The following SESTD1 variants were observed in gnomAD, a reference collection of about 807,000 sequenced individuals.
The protein encoded by SESTD1 is SEC14 and spectrin domain containing 1, also known as SEC14 domain and spectrin repeat-containing protein 1.
A neutral mutation model predicts 101.7 loss-of-function variants in SESTD1; 43 were observed. The ratio of observed to expected loss-of-function variants is 0.42; its 90% CI spans 0.33 to 0.55. The LOEUF is 0.55. SESTD1 is among the 20% of genes least tolerant of loss of function. The pLI is 0.07. For synonymous variants in SESTD1, 283 were observed against 286.8 expected (o/e 0.99, Z 0.13); for missense variants, 647 against 815.1 (o/e 0.79, Z 2.51).
intron 5 of SESTD1, 135 bp from the exon 6 acceptor site, chr2:179,151,526 C>T: frequency 2.0e-6 from 1 of 501,134 alleles, no homozygotes; most frequent in Admixed American, 4.1e-5. Context: ...TTACTTAATA[C>T]AATATTTAAA....
rs1401115189 is a variant in SESTD1 at position 179,121,892 on chromosome 2, A to G, written c.1320T>C (p.Gly440=). 5 of 1,605,542 alleles carry G rather than the reference A, an allele frequency of 3.1e-6. No individual in the cohort carries two copies. The African/African-American group carries it at 5.4e-5, about 17-fold the overall frequency. The change falls in exon 13 of 18, where the codon GGT becomes GGC. Residue 440 remains glycine (G), a synonymous_variant. Coordinates refer to ENST00000428443, the MANE Select transcript of SESTD1 (RefSeq NM_178123.5). ...CCTGATTGGAGATCTGATCCAGGAGACCTTGACCTTTTTCACGCAAACCTT... is the reference window on the plus strand; with the variant it reads ...CCTGATTGGAGATCTGATCCAGGAGGCCTTGACCTTTTTCACGCAAACCTT... The part of the protein sequence containing the change: ...GLQGLREKGQ[G]LLDQISNQAS...
At chr2:179,225,747 G>A (rs898898900) in intron 1 of SESTD1, among the ~76,000 whole-genome samples, 5 of 152,142 alleles carry the variant, frequency 3.3e-5, no homozygotes, top group Non-Finnish European at 7.4e-5. Context: ...AGAAAAGTGG[G>A]AGAGCAAGAG....
chr2:179,103,662 G>A lies in SESTD1; in HGVS notation c.*6237C>T, dbSNP rs2154393353. 1 of 152,220 alleles carries A rather than the reference G, an allele frequency of 6.6e-6. No homozygotes were observed. The highest frequency in any genetic ancestry group is 1.9e-4 in the East Asian group (1 of 5,186). The allele number at this position is 152,220 out of a possible 1,614,324, so 9.4% of individuals were successfully genotyped here. ...TTGTAGAAAAGCGTACATGTTGCGT[G>A]ACTCTATTTATATAAAGTTTTAGAA... On this transcript the variant is annotated 3_prime_UTR_variant, in exon 18 of 18. Transcript: ENST00000428443.
chr2:179,199,216 A>G (rs570346552), intron 1 of SESTD1, among the ~76,000 whole-genome samples: 192 of 152,200 alleles, frequency 1.3e-3, no homozygotes, highest in African/African-American at 4.4e-3. Flanking sequence ...AGAAATGGAT[A>G]AATTCCTCGA....
chr2:179,168,200 T>C (rs2045869320), intron 5 of SESTD1, among the ~76,000 whole-genome samples: 1 of 152,170 alleles, frequency 6.6e-6, no homozygotes, highest in Non-Finnish European at 1.5e-5. Flanking sequence ...CTCCTCAGCC[T>C]CAAGACAATG....
Position 179,233,312 on chromosome 2 carries a change from A to G in SESTD1, c.-26+31187T>C, listed in dbSNP as rs538678652. On this transcript the variant is annotated intron_variant, in intron 1 of 17. Coordinates refer to ENST00000428443, the MANE Select transcript of SESTD1 (RefSeq NM_178123.5). ...TTTTGTATATTCTAAGATTGAGCAA[A>G]TAAGTAAATATACTGTGAACAACAG... Among the ~76,000 whole-genome samples, 7 of 152,348 alleles carry G rather than the reference A, an allele frequency of 4.6e-5. No homozygotes were observed. The South Asian group carries it at 1.4e-3, about 32-fold the overall frequency.
intron 5 of SESTD1, among the ~76,000 whole-genome samples, chr2:179,170,860 C>T (rs2045918945): frequency 2.0e-5 from 3 of 152,166 alleles, no homozygotes; most frequent in Admixed American, 1.3e-4. Context: ...CACCCCAACT[C>T]CCTAGGGTTC....
chr2:179,158,598 T>C (rs1333047477), intron 5 of SESTD1, among the ~76,000 whole-genome samples: 1 of 152,176 alleles, frequency 6.6e-6, no homozygotes, highest in African/African-American at 2.4e-5. Flanking sequence ...TATCCTTTAA[T>C]CAAAATAATT....
At chr2:179,192,001 AG>A (rs946132682) in intron 1 of SESTD1, 135 bp from the exon 2 acceptor site, 28 of 653,274 alleles carry the variant, frequency 4.3e-5, no homozygotes, top group African/African-American at 3.7e-4. Flanking sequence ...CTTTTTTTGT[AG>A]GGAGTTATCC....
intron 9 of SESTD1, among the ~76,000 whole-genome samples, chr2:179,133,761 A>T (rs933848740): frequency 6.6e-6 from 1 of 152,158 alleles, no homozygotes; most frequent in Non-Finnish European, 1.5e-5. Context: ...TATATTTCTA[A>T]ATCTAACAGT....
At chr2:179,120,521 C>T (rs1274026207) in intron 13 of SESTD1, among the ~76,000 whole-genome samples, 1 of 152,152 alleles carries the variant, frequency 6.6e-6, no homozygotes, top group African/African-American at 2.4e-5. Flanking sequence ...GCCAAGAAAT[C>T]AGTGACAAAA....
At chr2:179,175,803 T>C (rs1415907156) in intron 4 of SESTD1, among the ~76,000 whole-genome samples, 1 of 152,184 alleles carries the variant, frequency 6.6e-6, no homozygotes, top group African/African-American at 2.4e-5. Flanking sequence ...GGGGATCACA[T>C]AAACATTCTG....
chr2:179,199,866 A>G (rs2046477237), intron 1 of SESTD1, among the ~76,000 whole-genome samples: 2 of 152,364 alleles, frequency 1.3e-5, no homozygotes, highest in South Asian at 4.1e-4. Flanking sequence ...AACTGGCACA[A>G]GACAGAGATG....
chr2:179,242,008 G>A (rs1440681531), intron 1 of SESTD1, among the ~76,000 whole-genome samples: 3 of 151,660 alleles, frequency 2.0e-5, no homozygotes, highest in Non-Finnish European at 2.9e-5. Flanking sequence ...AGGCATATAT[G>A]TAAGAAAAGA....
chr2:179,196,929 TCAA>T (rs750726487), intron 1 of SESTD1, among the ~76,000 whole-genome samples: 17 of 152,150 alleles, frequency 1.1e-4, no homozygotes, highest in Non-Finnish European at 1.9e-4. Context: ...ACGCAGTTCC[TCAA>T]CAACAACGGA....
At chr2:179,116,134 C>T (rs934684160) in intron 15 of SESTD1, among the ~76,000 whole-genome samples, 10 of 151,774 alleles carry the variant, frequency 6.6e-5, no homozygotes, top group Admixed American at 3.9e-4. Context: ...ACTAGCCAGG[C>T]GTGGTGGCCG....
At position 179,207,375 on chromosome 2, in the gene SESTD1, G is replaced by A. The variant is rs1008419849; in HGVS notation, c.-25-15509C>T. Among the ~76,000 whole-genome samples the A allele has an allele frequency of 3.0e-5, 4 of 135,220 alleles. 1 individual carries two copies. The highest frequency in any genetic ancestry group is 8.8e-5 in the African/African-American group (3 of 34,174). The allele number at this position is 135,220 out of a possible 152,430, so 88.7% of individuals were successfully genotyped here. On this transcript the variant is annotated intron_variant, in intron 1 of 17. Coordinates refer to ENST00000428443, the MANE Select transcript of SESTD1 (RefSeq NM_178123.5). ...CCACCTGCAACACTCTGGCTAAACC[G>A]AGGTCCTGATTCTGTCCACATGACA...
chr2:179,123,637 G>T (rs755826946), intron 12 of SESTD1, 78 bp downstream of exon 12: 3 of 913,720 alleles, frequency 3.3e-6, no homozygotes, highest in South Asian at 3.3e-5. Flanking sequence ...AGTGTAAGTT[G>T]ACTTAATTGT....
chr2:179,254,552 A>C (rs973723320), intron 1 of SESTD1, among the ~76,000 whole-genome samples: 1 of 152,070 alleles, frequency 6.6e-6, no homozygotes, highest in Non-Finnish European at 1.5e-5. Flanking sequence ...CGCCATCACT[A>C]CTCCTACTCA....
Sources: allele counts gnomAD v4.1 joint callset (sites outside exome capture counted in the v4.1 genomes callset), GRCh38; gene constraint gnomAD v4.1.1; transcripts MANE v1.5; gene names NCBI Gene and HGNC (gene_info 2026-07-23, HGNC 2026-07-21).